Variants in RAB31 observed in about 807,000 individuals in gnomAD.
RAB31 encodes the protein ras-related protein Rab-31.
In RAB31, 21 loss-of-function variants were observed where a neutral mutation model predicts 25.6. The observed-to-expected ratio is 0.82, with a 90% CI of 0.58 to 1.18. The LOEUF (loss-of-function observed/expected upper bound fraction) is 1.18. RAB31 is among the 50% of genes most tolerant of loss of function. The probability of loss-of-function intolerance (pLI) is 0.00; values close to 1 mark genes in which losing one functional copy is unlikely to be tolerated. For missense variants in RAB31, 196 were observed against 250.1 expected, an observed-to-expected ratio of 0.78 and a Z score of 1.46; for synonymous variants, 87 against 84.0, an observed-to-expected ratio of 1.04 and a Z score of -0.20.
intron 5 of RAB31, among the ~76,000 whole-genome samples, chr18:9,829,632 T>A (rs1388080240): frequency 6.6e-6 from 1 of 152,248 alleles, no homozygotes; most frequent in Admixed American, 6.5e-5. Context: ...TCTTTCACGG[T>A]GGCATGGAAT....
rs375705559 is a variant in RAB31, at chr18:9,795,486, T to A, written c.201+3251T>A. Among the ~76,000 whole-genome samples, 13 of 152,144 alleles carry A rather than the reference T, an allele frequency of 8.5e-5. No individual in the cohort carries two copies. In the East Asian group the frequency reaches 1.5e-3, roughly 18 times the overall value. On this transcript the variant is annotated intron_variant, in intron 3 of 6. Transcript: ENST00000578921. ...GGAGAAAATCTTCACAATCCATACA[T>A]CTGACAAAGGACTAATATCCAGATC...
At chr18:9,843,543 CAAAAAAAAAAAA>C (rs11291478) in intron 5 of RAB31, among the ~76,000 whole-genome samples, 1 of 68,432 alleles carries the variant, frequency 1.5e-5, no homozygotes, top group Non-Finnish European at 2.8e-5. Context: ...AAGACACTGT[CAAAAAAAAAAAA>C]AAAAAAAAAA....
chr18:9,805,205 G>A (rs143689229), intron 3 of RAB31, among the ~76,000 whole-genome samples: 1,894 of 151,188 alleles, frequency 0.013, 41 homozygotes, highest in African/African-American at 0.044. Flanking sequence ...GCAGTGAGCC[G>A]AGATTGCACC....
chr18:9,790,407 T>G (rs1267809251), intron 2 of RAB31, among the ~76,000 whole-genome samples: 1 of 149,532 alleles, frequency 6.7e-6, no homozygotes, highest in Non-Finnish European at 1.5e-5. Context: ...AAAAAAAAAT[T>G]TTTTTTTTTG....
Position 9,861,419 on chromosome 18 carries a change from T to C in RAB31, c.*2094T>C, listed in dbSNP as rs1487332894. 1 of 152,194 alleles carries C rather than the reference T, an allele frequency of 6.6e-6. No individual in the cohort carries two copies. The highest frequency in any genetic ancestry group is 1.5e-5 in the Non-Finnish European group (1 of 68,046). 9.4% of individuals were successfully genotyped at this position (152,194 alleles called of 1,614,324 possible). A position where few individuals can be genotyped will look rare whatever the true frequency, so the allele number is the denominator to read the frequency against. On this transcript the variant is annotated 3_prime_UTR_variant, in exon 7 of 7. Transcript: ENST00000578921. ...GAAACCACTCTGTTACCTTTCTGTA[T>C]TGTCTTAGCTATTCAAGCCAGTCAG...
chr18:9,835,430 G>T (rs1018465957), intron 5 of RAB31, among the ~76,000 whole-genome samples: 1 of 152,226 alleles, frequency 6.6e-6, no homozygotes, highest in African/African-American at 2.4e-5. Context: ...GTCCCCTAGA[G>T]AACCTGTTTT....
chr18:9,823,741 AAC>A (rs984189901), intron 5 of RAB31, among the ~76,000 whole-genome samples: 1 of 152,202 alleles, frequency 6.6e-6, no homozygotes, highest in African/African-American at 2.4e-5. Context: ...AAATTTTGTA[AAC>A]ACACTGGGCC....
chr18:9,723,516 TA>T (rs2145460165), intron 1 of RAB31: 1 of 152,318 alleles, frequency 6.6e-6, no homozygotes, highest in South Asian at 2.1e-4. Context: ...AGATTAATCT[TA>T]GCAAGACAAT....
At chr18:9,788,317 A>T (rs750806228) in intron 2 of RAB31, among the ~76,000 whole-genome samples, 4 of 152,220 alleles carry the variant, frequency 2.6e-5, no homozygotes. Context: ...ATCATCAGGG[A>T]AATGCAAATT....
intron 1 of RAB31, among the ~76,000 whole-genome samples, chr18:9,726,661 G>A (rs2068097559): frequency 6.6e-6 from 1 of 152,108 alleles, no homozygotes; most frequent in Non-Finnish European, 1.5e-5. Context: ...TACGGGGTCT[G>A]GCAAGTAAAA....
intron 3 of RAB31, among the ~76,000 whole-genome samples, chr18:9,813,426 G>A (rs373139818): frequency 6.6e-6 from 1 of 152,220 alleles, no homozygotes. Flanking sequence ...TGAGCAGCAG[G>A]GAAAAGAAAA....
At chr18:9,805,187 T>C (rs2068533806) in intron 3 of RAB31, among the ~76,000 whole-genome samples, 1 of 150,150 alleles carries the variant, frequency 6.7e-6, no homozygotes, top group Admixed American at 6.6e-5. Context: ...GCCCAGGAGG[T>C]TGAGGCTGCA....
At chr18:9,768,026 G>C (rs563760526) in intron 1 of RAB31, among the ~76,000 whole-genome samples, 1 of 152,008 alleles carries the variant, frequency 6.6e-6, no homozygotes, top group Non-Finnish European at 1.5e-5. Context: ...AGCTTCATCC[G>C]TGTCCCTGCA....
At chr18:9,847,469 C>T (rs2068767512) in intron 6 of RAB31, among the ~76,000 whole-genome samples, 1 of 152,198 alleles carries the variant, frequency 6.6e-6, no homozygotes, top group African/African-American at 2.4e-5. Context: ...ATCTCTGCAC[C>T]AGCTGGGAAG....
intron 1 of RAB31, among the ~76,000 whole-genome samples, chr18:9,750,581 C>T (rs1430168856): frequency 6.6e-6 from 1 of 152,072 alleles, no homozygotes; most frequent in African/African-American, 2.4e-5. Flanking sequence ...GTGGTGGGCA[C>T]TGTGGAAAGG....
At chr18:9,824,437 T>C (rs1024008633) in intron 5 of RAB31, among the ~76,000 whole-genome samples, 7 of 151,048 alleles carry the variant, frequency 4.6e-5, no homozygotes, top group African/African-American at 1.7e-4. Context: ...TGTGTATGAG[T>C]GTGTGTGTAG....
Position 9,859,581 on chromosome 18 carries a change from A to G in RAB31, c.*256A>G, listed in dbSNP as rs952356723. The stretch of plus-strand genomic sequence containing the variant: ...ATGCACATGGAGGGGATGTAGTTGC[A>G]TTTTTGCTAAAAAAAAAAAAAAACC... On this transcript the variant is annotated 3_prime_UTR_variant, in exon 7 of 7. Coordinates refer to ENST00000578921, the MANE Select transcript of RAB31 (RefSeq NM_006868.4). 37 of 280,014 alleles carry G rather than the reference A, an allele frequency of 1.3e-4. No individual in the cohort carries two copies. The South Asian group carries it at 4.9e-3, about 37-fold the overall frequency. 17.3% of individuals were successfully genotyped at this position (280,014 alleles called of 1,614,324 possible).
chr18:9,857,527 A>G (rs903469091), intron 6 of RAB31, among the ~76,000 whole-genome samples: 1 of 151,968 alleles, frequency 6.6e-6, no homozygotes, highest in Non-Finnish European at 1.5e-5. Context: ...TGCTGGGGAA[A>G]AATAAATCAA....
intron 5 of RAB31, among the ~76,000 whole-genome samples, chr18:9,820,078 G>C (rs1047605370): frequency 6.6e-6 from 1 of 151,966 alleles, no homozygotes; most frequent in Non-Finnish European, 1.5e-5. Flanking sequence ...TCTCTGGCTA[G>C]AATCTCTAAA....
Sources: allele counts gnomAD v4.1 joint callset (sites outside exome capture counted in the v4.1 genomes callset), GRCh38; gene constraint gnomAD v4.1.1; transcripts MANE v1.5; gene names NCBI Gene and HGNC (gene_info 2026-07-23, HGNC 2026-07-21).